The following CHD5 variants were observed in gnomAD, a reference collection of about 807,000 sequenced individuals.
CHD5 encodes ATP-dependent chromatin remodeler CHD5.
In CHD5, 69 loss-of-function variants were observed where a neutral mutation model predicts 230.3. That is an observed-to-expected ratio of 0.30 (90% CI 0.25 to 0.37). The LOEUF (loss-of-function observed/expected upper bound fraction) is 0.37, where lower values mean the gene tolerates loss of function less well. Ranked by LOEUF, CHD5 falls within the 10% of genes least tolerant of loss-of-function variation. CHD5 has a pLI of 1.00. For synonymous variants in CHD5, 1,064 were observed against 1,065.9 expected (o/e 1.00, Z 0.03); for missense variants, 1,827 against 2,622.8 (o/e 0.70, Z 6.63).
At chr1:6,113,713 G>A (rs937012255) in intron 33 of CHD5, among the ~76,000 whole-genome samples, 8 of 152,216 alleles carry the variant, frequency 5.3e-5, no homozygotes, top group Non-Finnish European at 1.0e-4. Flanking sequence ...CACTGGCCAC[G>A]GGAGTGAGAT....
At position 6,125,805 on chromosome 1, in the gene CHD5, C is replaced by T; in HGVS notation, c.4132G>A (p.Asp1378Asn). The T allele has an allele frequency of 6.2e-7, 1 of 1,613,864 alleles. No individual in the cohort carries two copies. Among genetic ancestry groups the T allele is most frequent in the South Asian group, 1.1e-5 (1 of 91,066 alleles). ...CTCTCTTCAAAGTCCTCATCCTCAT[C>T]CTCAGAGCCAATGGAATATTCTGAC... ...NQSEYSIGSEDEDEDFEERPE... is the reference protein window; with the variant it reads ...NQSEYSIGSENEDEDFEERPE... Residue 1378 changes from aspartate to asparagine, a missense_variant, in exon 27 of 42, where the codon GAT becomes AAT. Coordinates refer to ENST00000262450, the MANE Select transcript of CHD5 (RefSeq NM_015557.3). This position sits in a 1 kb window ranked among gnomAD's most constrained non-coding sequence, Gnocchi z 6.7.
rs531697124 is a variant in CHD5, at chr1:6,175,712, G to A, written c.79+4233C>T. 3.1e-3 allele frequency among the ~76,000 whole-genome samples: 453 copies of A among 148,496 alleles called. 3 individuals are homozygous for A. The highest frequency in any genetic ancestry group is 0.011 in the African/African-American group (441 of 38,482). On this transcript the variant is annotated intron_variant, in intron 1 of 41. Coordinates refer to ENST00000262450, the MANE Select transcript of CHD5 (RefSeq NM_015557.3). ...TGGATGGATGGATGGATGGATGGAC[G>A]GACGGACGGATGGATATACATATGG...
intron 11 of CHD5, 135 bp from the exon 12 acceptor site, chr1:6,144,290 G>A (rs1263591114): frequency 1.6e-6 from 2 of 1,223,890 alleles, no homozygotes; most frequent in African/African-American, 1.5e-5. Context: ...AGGAGGAGGA[G>A]ACGAGGGCAG....
intron 9 of CHD5, among the ~76,000 whole-genome samples, chr1:6,148,070 CT>C (rs994693466): frequency 3.3e-5 from 5 of 152,088 alleles, no homozygotes; most frequent in African/African-American, 4.8e-5. Context: ...GGGTCCTCCC[CT>C]GGCCCCTACA....
chr1:6,112,359 C>T, intron 34 of CHD5, 82 bp from the exon 35 acceptor site: 2 of 1,541,634 alleles, frequency 1.3e-6, no homozygotes, highest in East Asian at 4.5e-5. Context: ...GCACGGGGGA[C>T]CCAGGAGGCA....
intron 33 of CHD5, among the ~76,000 whole-genome samples, chr1:6,119,697 G>T (rs569309155): frequency 6.6e-6 from 1 of 150,960 alleles, no homozygotes; most frequent in East Asian, 2.0e-4. Flanking sequence ...GACCTAATGC[G>T]CATATATATA....
chr1:6,161,722 T>C (rs1667180706), intron 2 of CHD5, among the ~76,000 whole-genome samples: 1 of 152,116 alleles, frequency 6.6e-6, no homozygotes, highest in African/African-American at 2.4e-5. Flanking sequence ...TTTGGCCAGC[T>C]TCAAGAGACC....
At position 6,115,024 on chromosome 1, in the gene CHD5, A is replaced by G. The variant is rs922521797; in HGVS notation, c.4913-2026T>C. 1.4e-4 allele frequency among the ~76,000 whole-genome samples: 21 copies of G among 151,228 alleles called. No individual in the cohort carries two copies. In the East Asian group the frequency reaches 2.5e-3, roughly 18 times the overall value. On this transcript the variant is annotated intron_variant, in intron 33 of 41. Transcript: ENST00000262450. ...GCGAGACTCCATCTCAAAAAAAAAA[A>G]AGGGGGGGGCAGGCGCGGTGGCTCA...
chr1:6,148,962 C>T lies in CHD5; in HGVS notation c.1275G>A (p.Gly425=). Residue 425 remains glycine (G), a synonymous_variant, in exon 9 of 42, where the codon GGG becomes GGA. Coordinates refer to ENST00000262450, the MANE Select transcript of CHD5 (RefSeq NM_015557.3). The part of the protein sequence containing the change: ...HMEFCRVCKD[G]GELLCCDACP... The stretch of plus-strand genomic sequence containing the variant: ...AGGCGTCGCAGCAGAGCAGCTCGCC[C>T]CCGTCCTTGCACACGCGGCAGAACT... 1 of 1,606,258 alleles carries T rather than the reference C, an allele frequency of 6.2e-7. No homozygotes were observed. The highest frequency in any genetic ancestry group is 1.1e-5 in the South Asian group (1 of 90,314).
Position 6,143,879 on chromosome 1 carries a change from C to T in CHD5, c.1987G>A (p.Gly663Ser). ...TRLPKRLLKKGKKLRDDKQEK... is the reference protein window; with the variant it reads ...TRLPKRLLKKSKKLRDDKQEK... Reference sequence around the variant, plus strand: ...TGCTTGTCGTCCCTCAGCTTCTTGCCCTTCTTGAGCAGCCTCTTGGGCAGC... The same window carrying T: ...TGCTTGTCGTCCCTCAGCTTCTTGCTCTTCTTGAGCAGCCTCTTGGGCAGC... Residue 663 changes from glycine (G) to serine (S), a missense_variant, in exon 13 of 42, where the codon GGC becomes AGC. Gly to Ser is a moderately conservative substitution (Grantham distance 56, BLOSUM62 0). Transcript: ENST00000262450. 6.2e-7 allele frequency: 1 copy of T among 1,613,862 alleles called. No individual in the cohort carries two copies. Among genetic ancestry groups the T allele is most frequent in the South Asian group, 1.1e-5 (1 of 91,056 alleles).
chr1:6,178,029 C>G (rs927266602), intron 1 of CHD5, among the ~76,000 whole-genome samples: 1 of 152,150 alleles, frequency 6.6e-6, no homozygotes, highest in Admixed American at 6.5e-5. Context: ...GAGGCTTGGA[C>G]CCAGAACATG....
In CHD5 at chr1:6,134,897, C is replaced by A. The variant is rs1196422623; in HGVS notation, c.2871-38G>T. 2.5e-6 allele frequency: 4 copies of A among 1,613,006 alleles called. No individual in the cohort carries two copies. The highest frequency in any genetic ancestry group is 3.4e-6 in the Non-Finnish European group (4 of 1,179,458). On this transcript the variant is annotated intron_variant, in intron 18 of 41. Transcript: ENST00000262450. The surrounding 1 kb of genome is among the most constrained non-coding windows in gnomAD (Gnocchi z 6.3). Reference sequence around the variant, plus strand: ...ACGAGGAAAGGCAGGCTGGGTCAGACCCGCCTCCATGAGGGCTCTCTCTGC... The same window carrying A: ...ACGAGGAAAGGCAGGCTGGGTCAGAACCGCCTCCATGAGGGCTCTCTCTGC...
rs1201435924 is a variant in CHD5, at chr1:6,154,926, G to A, written c.507-28C>T. ...GTAGGGGGAGAGGCAGGAGGGTGAG[G>A]GCAAGGCCAGGTGAGATGAGAGGCC... On this transcript the variant is annotated intron_variant, in intron 4 of 41. Coordinates refer to ENST00000262450, the MANE Select transcript of CHD5 (RefSeq NM_015557.3). The surrounding 1 kb of genome is among the most constrained non-coding windows in gnomAD (Gnocchi z 7.0). 1 of 1,600,728 alleles carries A rather than the reference G, an allele frequency of 6.2e-7. No individual in the cohort carries two copies. The highest frequency in any genetic ancestry group is 1.3e-5 in the African/African-American group (1 of 74,740).
chr1:6,125,418 G>T lies in CHD5; in HGVS notation c.4260+106C>A. On this transcript the variant is annotated intron_variant, in intron 28 of 41. Transcript: ENST00000262450. The surrounding 1 kb of genome is among the most constrained non-coding windows in gnomAD (Gnocchi z 6.7). ...CCAGACCAAGTTCTGTCCAAGCTCC[G>T]CCTCTACCTGGCATGAGACCCGGGG... The T allele has an allele frequency of 2.2e-6, 3 of 1,338,460 alleles. No homozygotes were observed. The highest frequency in any genetic ancestry group is 3.1e-6 in the Non-Finnish European group (3 of 966,750). 82.9% of individuals were successfully genotyped at this position (1,338,460 alleles called of 1,614,324 possible).
Position 6,121,530 on chromosome 1 carries a change from G to T in CHD5, c.4743C>A (p.Pro1581=). Residue 1581 remains proline (P), a synonymous_variant, in exon 32 of 42, where the codon CCC becomes CCA. Transcript: ENST00000262450. This position sits in a 1 kb window ranked among gnomAD's most constrained non-coding sequence, Gnocchi z 4.5. The stretch of plus-strand genomic sequence containing the variant: ...GGGGCTGCCTTGGCTTCTGTGCCCC[G>T]GGGTCTTTCTCATCCATGTAGCCCA... ...AQLGYMDEKD[P]GAQKPRQPLE... 1 of 1,612,942 alleles carries T rather than the reference G, an allele frequency of 6.2e-7. No individual in the cohort carries two copies. Among genetic ancestry groups the T allele is most frequent in the Non-Finnish European group, 8.5e-7 (1 of 1,179,550 alleles).
chr1:6,171,920 C>A (rs899317584), intron 1 of CHD5, among the ~76,000 whole-genome samples: 2 of 152,256 alleles, frequency 1.3e-5, no homozygotes, highest in East Asian at 3.8e-4. Context: ...CAGCCCTAAC[C>A]CTCCAGGGCC....
intron 7 of CHD5, among the ~76,000 whole-genome samples, chr1:6,150,407 T>TGGAG (rs1666985172): frequency 7.2e-6 from 1 of 139,780 alleles, no homozygotes. Flanking sequence ...GATGGATGGA[T>TGGAG]GGACAAGTGG....
chr1:6,154,825 C>G lies in CHD5; in HGVS notation c.580G>C (p.Glu194Gln), dbSNP rs1372526540. ...TTGAAGGGGTTGTTGGCGCTGAACTCCCGCCACTTGGCACCCAGGACGGTC... is the reference window on the plus strand; with the variant it reads ...TTGAAGGGGTTGTTGGCGCTGAACTGCCGCCACTTGGCACCCAGGACGGTC... ...MMTVLGAKWR[E>Q]FSANNPFKGS... The change falls in exon 5 of 42, where the codon GAG becomes CAG. Residue 194 changes from glutamate to glutamine, a missense_variant. Transcript: ENST00000262450. This position sits in a 1 kb window ranked among gnomAD's most constrained non-coding sequence, Gnocchi z 7.0. 6.2e-7 allele frequency: 1 copy of G among 1,613,870 alleles called. No individual in the cohort carries two copies. Among genetic ancestry groups the G allele is most frequent in the East Asian group, 2.2e-5 (1 of 44,884 alleles).
chr1:6,135,129 G>A (rs1439148642), intron 18 of CHD5, 101 bp downstream of exon 18: 3 of 1,370,422 alleles, frequency 2.2e-6, no homozygotes, highest in African/African-American at 1.4e-5. Context: ...CGAGACCTCA[G>A]TGAGGCTGAA....
Sources: allele counts gnomAD v4.1 joint callset (sites outside exome capture counted in the v4.1 genomes callset), GRCh38; gene constraint gnomAD v4.1.1; non-coding constraint Gnocchi (gnomAD v3.1); transcripts MANE v1.5; gene names NCBI Gene and HGNC (gene_info 2026-07-23, HGNC 2026-07-21).